MS4A18: variants seen among roughly 807,000 people sequenced by gnomAD.
The protein encoded by MS4A18 is membrane spanning 4-domains A18, also known as membrane-spanning 4-domains subfamily A member 18.
MS4A18 carries 27 observed loss-of-function variants against 13.1 expected under a neutral mutation model. The observed-to-expected ratio is 2.06, with a 90% CI of 1.52 to 2.84. MS4A18 has a LOEUF of 2.84. MS4A18 is among the 30% of genes most tolerant of loss of function. The probability of loss-of-function intolerance (pLI) is 0.00; values close to 1 mark genes in which losing one functional copy is unlikely to be tolerated. For missense variants in MS4A18, 307 were observed against 196.4 expected (o/e 1.56, Z -3.37); for synonymous variants, 126 against 76.5 (o/e 1.65, Z -3.38).
intron 1 of MS4A18, among the ~76,000 whole-genome samples, chr11:60,732,855 A>G (rs1853277529): frequency 1.3e-5 from 2 of 152,134 alleles, no homozygotes; most frequent in Admixed American, 6.5e-5. Flanking sequence ...CATCTTGCAA[A>G]TATGTAGCCT....
chr11:60,727,202 T>C (rs78791759), upstream of MS4A18, among the ~76,000 whole-genome samples: 1,468 of 152,338 alleles, frequency 9.6e-3, 16 homozygotes, highest in East Asian at 0.053. Context: ...TGCTAAACAA[T>C]GGCCCTTCTC....
At chr11:60,739,395 C>T (rs923273427) in intron 4 of MS4A18, among the ~76,000 whole-genome samples, 3 of 152,024 alleles carry the variant, frequency 2.0e-5, no homozygotes, top group East Asian at 1.9e-4. Context: ...TCTTTTGGTG[C>T]GGGGACCTCC....
upstream of MS4A18, among the ~76,000 whole-genome samples, chr11:60,727,333 G>A (rs1853175665): frequency 6.6e-6 from 1 of 152,128 alleles, no homozygotes; most frequent in South Asian, 2.1e-4. Flanking sequence ...CCACTATTAT[G>A]CACCTTTTAT....
chr11:60,730,328 C>T (rs1853234143), intron 1 of MS4A18, among the ~76,000 whole-genome samples: 2 of 152,234 alleles, frequency 1.3e-5, no homozygotes, highest in African/African-American at 4.8e-5. Flanking sequence ...CAATTCAATT[C>T]TGTTTTTGAG....
chr11:60,739,031 A>G (rs1464231872), intron 4 of MS4A18, 34 bp downstream of exon 5: 1 of 702,004 alleles, frequency 1.4e-6, no homozygotes, highest in Non-Finnish European at 2.6e-6. Flanking sequence ...CCGTGCTGCC[A>G]AAGGACCAGG....
upstream of MS4A18, among the ~76,000 whole-genome samples, chr11:60,728,404 A>ATGTG (rs150038728): frequency 2.2e-4 from 32 of 144,302 alleles, no homozygotes; most frequent in East Asian, 1.0e-3. Context: ...GTGTGTATGT[A>ATGTG]TGTGTGTGTG....
chr11:60,743,169 A>G (rs1305114259), intron 5 of MS4A18, among the ~76,000 whole-genome samples: 5 of 152,242 alleles, frequency 3.3e-5, no homozygotes, highest in Admixed American at 1.3e-4. Flanking sequence ...CTTTTGCCCC[A>G]TATCAAACAA....
At chr11:60,737,408 T>C (rs1203324867) in intron 3 of MS4A18, among the ~76,000 whole-genome samples, 1 of 152,188 alleles carries the variant, frequency 6.6e-6, no homozygotes, top group Non-Finnish European at 1.5e-5. Context: ...GCCTTATGGG[T>C]GCTCTGAATT....
Position 60,739,081 on chromosome 11 carries a change from G to A in MS4A18, c.744+84G>A. On this transcript the variant is annotated intron_variant, in intron 4 of 5. Transcript: ENST00000529108. ...TGCCTCCCCAGAGCAGAATGGAATTGCCCCAGAATTCCATCCTAGTATGAC... is the reference window on the plus strand; with the variant it reads ...TGCCTCCCCAGAGCAGAATGGAATTACCCCAGAATTCCATCCTAGTATGAC... 2 of 672,882 alleles carry A rather than the reference G, an allele frequency of 3.0e-6. 1 individual carries two copies. The allele number at this position is 672,882 out of a possible 1,614,324, so 41.7% of individuals were successfully genotyped here. A position where few individuals can be genotyped will look rare whatever the true frequency, so the allele number is the denominator to read the frequency against.
At chr11:60,733,448 TG>T in intron 1 of MS4A18, 85 bp from the exon 3 acceptor site, 1 of 696,528 alleles carries the variant, frequency 1.4e-6, no homozygotes. Flanking sequence ...GGGGTGATTC[TG>T]GGGCACAGCC....
At position 60,743,642 on chromosome 11, in the gene MS4A18, T is replaced by A. The variant is rs748333172; in HGVS notation, c.859-8T>A. ...GAAGATGACGACCACATGTCCTTTG[T>A]CTTTCAGAATGTGGCAGTGATTCCA... On this transcript the variant is annotated splice_region_variant and splice_polypyrimidine_tract_variant and intron_variant, in intron 5 of 5. Transcript: ENST00000529108. 5 of 701,896 alleles carry A rather than the reference T, an allele frequency of 7.1e-6. No individual in the cohort carries two copies. The highest frequency in any genetic ancestry group is 3.5e-5 in the African/African-American group (2 of 57,374). 43.5% of individuals were successfully genotyped at this position (701,896 alleles called of 1,614,324 possible). A position where few individuals can be genotyped will look rare whatever the true frequency, so the allele number is the denominator to read the frequency against.
At chr11:60,730,400 G>A (rs973203086) in intron 1 of MS4A18, among the ~76,000 whole-genome samples, 7 of 152,196 alleles carry the variant, frequency 4.6e-5, no homozygotes, top group Non-Finnish European at 1.0e-4. Flanking sequence ...GGAGACTGGC[G>A]TGTCACAGAT....
chr11:60,728,499 C>CTCTG (rs61370364), upstream of MS4A18, among the ~76,000 whole-genome samples: 7,440 of 149,184 alleles, frequency 0.05, 463 homozygotes, highest in Admixed American at 0.12. Context: ...CCTTCCCTCT[C>CTCTG]TCTGTGTGTG....
chr11:60,727,346 A>G (rs1853175841), upstream of MS4A18, among the ~76,000 whole-genome samples: 1 of 152,212 alleles, frequency 6.6e-6, no homozygotes, highest in Non-Finnish European at 1.5e-5. Flanking sequence ...CCTTTTATAG[A>G]TAAGAAACTG....
rs200295786 is a variant in MS4A18 at position 60,732,730 on chromosome 11, CAAAAAAA to C, written c.478-788_478-782del. ...TGGGCGACAGGGCAAGACTCCGTCT[CAAAAAAA>C]AAAAAAAAAAAAAAAGAAACACCTA... On this transcript the variant is annotated intron_variant, in intron 1 of 5. Coordinates refer to ENST00000529108, the Ensembl canonical transcript of MS4A18. Among the ~76,000 whole-genome samples, 8 of 71,012 alleles carry C rather than the reference CAAAAAAA, an allele frequency of 1.1e-4. No homozygotes were observed. The South Asian group carries it at 1.2e-3, about 11-fold the overall frequency. The allele number at this position is 71,012 out of a possible 152,430, so 46.6% of individuals were successfully genotyped here.
rs185226103 is a variant in MS4A18 at position 60,737,109 on chromosome 11, C to T, written c.648+75C>T. ...CTCTACCAAACATGAAAAAAGGAGA[C>T]TCACAGTAGTGGTGTGGCCTGGCCC... On this transcript the variant is annotated intron_variant, in intron 3 of 5. Coordinates refer to ENST00000529108, the Ensembl canonical transcript of MS4A18. 127 of 700,546 alleles carry T rather than the reference C, an allele frequency of 1.8e-4. 1 individual carries two copies. Among genetic ancestry groups the T allele is most frequent in the Non-Finnish European group, 2.6e-4 (101 of 384,270 alleles). The allele number at this position is 700,546 out of a possible 1,614,324, so 43.4% of individuals were successfully genotyped here. A position where few individuals can be genotyped will look rare whatever the true frequency, so the allele number is the denominator to read the frequency against.
chr11:60,728,938 C>A (rs1440450688), upstream of MS4A18, among the ~76,000 whole-genome samples: 3 of 152,176 alleles, frequency 2.0e-5, no homozygotes, highest in Non-Finnish European at 2.9e-5. Flanking sequence ...CAGTTGTTCA[C>A]CCCCAGATCA....
chr11:60,741,476 C>G (rs563043202), intron 5 of MS4A18, among the ~76,000 whole-genome samples: 3 of 152,090 alleles, frequency 2.0e-5, no homozygotes, highest in Non-Finnish European at 4.4e-5. Flanking sequence ...TCCTCCAGTA[C>G]GCCCACCTGA....
At chr11:60,740,979 T>G (rs1383457803) in intron 4 of MS4A18, 51 bp from the exon 6 acceptor site, 1 of 702,472 alleles carries the variant, frequency 1.4e-6, no homozygotes, top group Non-Finnish European at 2.6e-6. Flanking sequence ...GACTGTCACC[T>G]AGGCCATCAA....
Sources: gnomAD v4.1 joint callset for allele counts (sites outside exome capture counted in the v4.1 genomes callset) on GRCh38, gnomAD v4.1.1 for gene constraint, MANE v1.5 for transcripts, NCBI Gene and HGNC (gene_info 2026-07-23, HGNC 2026-07-21) for gene names.